NRXN3: variants seen among roughly 807,000 people sequenced by gnomAD.
NRXN3 encodes the protein neurexin III.
Under a neutral mutation model 137.6 loss-of-function variants are expected in NRXN3, and 32 were observed. That is an observed-to-expected ratio of 0.23 (90% CI 0.18 to 0.31). The LOEUF is 0.31. Ranked by LOEUF, NRXN3 falls within the 10% of genes least tolerant of loss-of-function variation. The pLI is 1.00. For missense variants in NRXN3, 1,574 were observed against 2,062.5 expected, an observed-to-expected ratio of 0.76 and a Z score of 4.59; for synonymous variants, 798 against 784.5, an observed-to-expected ratio of 1.02 and a Z score of -0.29.
At chr14:78,384,595 T>C (rs527890031) in intron 4 of NRXN3, among the ~76,000 whole-genome samples, 1 of 152,188 alleles carries the variant, frequency 6.6e-6, no homozygotes, top group African/African-American at 2.4e-5. Flanking sequence ...ACATGAAAAA[T>C]GTAGACCCAC....
At chr14:78,978,933 A>G (rs1310361846) in intron 14 of NRXN3, among the ~76,000 whole-genome samples, 1 of 151,926 alleles carries the variant, frequency 6.6e-6, no homozygotes, top group Non-Finnish European at 1.5e-5. Flanking sequence ...AAGTGGCATG[A>G]TAGTGTAAGT....
At chr14:78,523,037 T>TA (rs1187812184) in intron 4 of NRXN3, among the ~76,000 whole-genome samples, 1 of 152,248 alleles carries the variant, frequency 6.6e-6, no homozygotes, top group Non-Finnish European at 1.5e-5. Flanking sequence ...CTAGCAATGT[T>TA]ATTTTATATG....
chr14:79,529,148 G>GTGC (rs1010699173), intron 16 of NRXN3, among the ~76,000 whole-genome samples: 3 of 152,170 alleles, frequency 2.0e-5, no homozygotes, highest in African/African-American at 7.2e-5. Context: ...AGCTCTCTGA[G>GTGC]TGCACAATTT....
chr14:79,295,132 C>T (rs1319868332), intron 15 of NRXN3, among the ~76,000 whole-genome samples: 2 of 152,106 alleles, frequency 1.3e-5, no homozygotes, highest in African/African-American at 4.8e-5. Flanking sequence ...AACTTCACCT[C>T]CTAACATATT....
At chr14:78,587,799 G>A (rs2097080348) in intron 4 of NRXN3, among the ~76,000 whole-genome samples, 1 of 152,122 alleles carries the variant, frequency 6.6e-6, no homozygotes, top group African/African-American at 2.4e-5. Context: ...TGTTATATTA[G>A]ATGTTGGGCC....
At chr14:79,712,024 C>T (rs1245528025) in intron 19 of NRXN3, among the ~76,000 whole-genome samples, 2 of 152,268 alleles carry the variant, frequency 1.3e-5, no homozygotes, top group African/African-American at 2.4e-5. Context: ...TTCCCAAACA[C>T]GATACCGGGC....
intron 1 of NRXN3, among the ~76,000 whole-genome samples, chr14:78,194,013 G>A (rs1033199076): frequency 1.3e-5 from 2 of 152,120 alleles, no homozygotes; most frequent in African/African-American, 4.8e-5. Flanking sequence ...CTGGACTCTG[G>A]CCCATAGGCA....
chr14:79,755,700 A>G lies in NRXN3; in HGVS notation c.4015-49412A>G, dbSNP rs571513242. ...GCCAGGATCATTTACATTTACTTGC[A>G]TGGCTCTGTGTAGCTTGCTTTTTAT... On this transcript the variant is annotated intron_variant, in intron 19 of 20. Coordinates refer to ENST00000335750, the MANE Select transcript of NRXN3 (RefSeq NM_001330195.2). Among the ~76,000 whole-genome samples the G allele has an allele frequency of 3.9e-4, 60 of 152,250 alleles. 1 individual carries two copies. The South Asian group carries it at 9.5e-3, about 24-fold the overall frequency.
Position 78,421,564 on chromosome 14 carries a change from T to C in NRXN3, c.757+123704T>C, listed in dbSNP as rs116911159. Among the ~76,000 whole-genome samples, 558 of 152,296 alleles carry C rather than the reference T, an allele frequency of 3.7e-3. 24 individuals carry two copies. The East Asian group carries it at 0.067, about 18-fold the overall frequency. ...GACTATTTCTTTCTTTAAAGTACTT[T>C]CTTGATTTTTTTAAGTCAGTATATC... On this transcript the variant is annotated intron_variant, in intron 4 of 20. Coordinates refer to ENST00000335750, the MANE Select transcript of NRXN3 (RefSeq NM_001330195.2).
intron 4 of NRXN3, among the ~76,000 whole-genome samples, chr14:78,425,400 A>G (rs1443648126): frequency 1.3e-5 from 2 of 152,158 alleles, no homozygotes; most frequent in Non-Finnish European, 2.9e-5. Flanking sequence ...TATTTCCCAA[A>G]TTTTAGCATG....
intron 15 of NRXN3, among the ~76,000 whole-genome samples, chr14:79,380,145 T>C (rs866464798): frequency 1.6e-5 from 1 of 64,108 alleles, no homozygotes; most frequent in South Asian, 5.7e-4. Flanking sequence ...TAGATATACT[T>C]CTTCTTTTTT....
At chr14:79,343,488 C>G (rs146427060) in intron 15 of NRXN3, among the ~76,000 whole-genome samples, 1 of 152,128 alleles carries the variant, frequency 6.6e-6, no homozygotes, top group Non-Finnish European at 1.5e-5. Flanking sequence ...CAGCCTGGCT[C>G]GCTCTTCATG....
rs143178958 is a variant in NRXN3, at chr14:78,785,497, A to G, written c.2045-18123A>G. ...CTAAACATGGTGACGGAGCCAGATA[A>G]CTTGTTCCCTGTAGACTCATAAACT... On this transcript the variant is annotated intron_variant, in intron 8 of 20. Coordinates refer to ENST00000335750, the MANE Select transcript of NRXN3 (RefSeq NM_001330195.2). 2.4e-3 allele frequency among the ~76,000 whole-genome samples: 371 copies of G among 152,282 alleles called. 1 individual carries two copies. Among genetic ancestry groups the G allele is most frequent in the Non-Finnish European group, 4.5e-3 (304 of 68,018 alleles).
chr14:78,789,214 C>G (rs2098798198), intron 8 of NRXN3, among the ~76,000 whole-genome samples: 1 of 152,174 alleles, frequency 6.6e-6, no homozygotes, highest in Admixed American at 6.5e-5. Context: ...CACTTTCTAT[C>G]TAAAAATGCT....
intron 8 of NRXN3, among the ~76,000 whole-genome samples, chr14:78,768,895 C>A (rs1224668246): frequency 6.6e-6 from 1 of 152,138 alleles, no homozygotes; most frequent in Non-Finnish European, 1.5e-5. Flanking sequence ...GCTCTCCAAA[C>A]CCCATGTTTT....
intron 2 of NRXN3, among the ~76,000 whole-genome samples, chr14:78,261,546 G>T (rs985702335): frequency 6.6e-6 from 1 of 152,086 alleles, no homozygotes; most frequent in Admixed American, 6.5e-5. Context: ...AAGGCTTTTT[G>T]TCAAGATTTA....
At chr14:78,424,974 G>A (rs1205134853) in intron 4 of NRXN3, among the ~76,000 whole-genome samples, 1 of 152,216 alleles carries the variant, frequency 6.6e-6, no homozygotes, top group Non-Finnish European at 1.5e-5. Context: ...TGGTCCCTTG[G>A]TTGTTCAGTG....
intron 16 of NRXN3, among the ~76,000 whole-genome samples, chr14:79,468,443 A>G (rs2096458159): frequency 6.6e-6 from 1 of 152,362 alleles, no homozygotes; most frequent in South Asian, 2.1e-4. Context: ...TTGGAGCAAT[A>G]AGAATTTAGT....
chr14:79,092,222 C>T (rs1168205622), intron 15 of NRXN3, among the ~76,000 whole-genome samples: 4 of 152,140 alleles, frequency 2.6e-5, no homozygotes, highest in Non-Finnish European at 4.4e-5. Flanking sequence ...TATTAGGATA[C>T]AGGACTATTC....
Sources: gnomAD v4.1 joint callset for allele counts (sites outside exome capture counted in the v4.1 genomes callset) on GRCh38, gnomAD v4.1.1 for gene constraint, MANE v1.5 for transcripts, NCBI Gene and HGNC (gene_info 2026-07-23, HGNC 2026-07-21) for gene names.